The following NCK2 variants were observed in gnomAD, a reference collection of about 807,000 sequenced individuals.
NCK2 encodes cytoplasmic protein NCK2.
A neutral mutation model predicts 33.9 loss-of-function variants in NCK2; 16 were observed. That is an observed-to-expected ratio of 0.47 (90% CI 0.32 to 0.72). NCK2 has a LOEUF of 0.72. Ranked by LOEUF, NCK2 falls within the 30% of genes least tolerant of loss-of-function variation. The probability of loss-of-function intolerance (pLI) is 0.03; values close to 1 mark genes in which losing one functional copy is unlikely to be tolerated. For synonymous variants in NCK2, 273 were observed against 239.9 expected (o/e 1.14, Z -1.27); for missense variants, 418 against 537.3 (o/e 0.78, Z 2.19).
rs1380016345 is a variant in NCK2 at position 105,835,409 on chromosome 2, G to GTATA, written c.-17+18808_-17+18811dup. ...TACACATATATATATATATATACGTGTATATATATATATATTTTTTTTTTG... is the reference window on the plus strand; with the variant it reads ...TACACATATATATATATATATACGTGTATATATATATATATATATTTTTTTTTTG... On this transcript the variant is annotated intron_variant, in intron 2 of 4. Coordinates refer to ENST00000233154, the MANE Select transcript of NCK2 (RefSeq NM_003581.5). Among the ~76,000 whole-genome samples the GTATA allele has an allele frequency of 5.9e-4, 35 of 59,318 alleles. 1 individual carries two copies. The East Asian group carries it at 9.7e-3, about 16-fold the overall frequency. 38.9% of individuals were successfully genotyped at this position (59,318 alleles called of 152,430 possible).
chr2:105,763,648 T>C (rs3769485), intron 1 of NCK2, among the ~76,000 whole-genome samples: 46,770 of 152,088 alleles, frequency 0.31, 8,421 homozygotes, highest in East Asian at 0.45. Context: ...GGGTTGTGCA[T>C]TGGGAACTTA....
At chr2:105,827,812 CAGAA>C (rs1244357384) in intron 2 of NCK2, among the ~76,000 whole-genome samples, 2 of 152,080 alleles carry the variant, frequency 1.3e-5, no homozygotes, top group Non-Finnish European at 2.9e-5. Flanking sequence ...TGATGGTTGT[CAGAA>C]AGGGAGGTGG....
At chr2:105,847,389 G>C (rs1294874585) in intron 2 of NCK2, 1 of 152,078 alleles carries the variant, frequency 6.6e-6, no homozygotes, top group African/African-American at 2.4e-5. Flanking sequence ...TTGTAGAAAA[G>C]AAATGATGTG....
chr2:105,857,823 A>G (rs1677342993), intron 3 of NCK2, among the ~76,000 whole-genome samples: 1 of 152,216 alleles, frequency 6.6e-6, no homozygotes, highest in Admixed American at 6.5e-5. Context: ...TTGTTATCTC[A>G]GCATGAGTTT....
chr2:105,893,172 A>C lies in NCK2; in HGVS notation c.1139A>C (p.Gln380Pro). ...AAGCTCTACCTCGTCAGGGCCCTGC[A>C]GTGACGGCGCCCCGGCCCCACACTC... ...GEKLYLVRALQ is the reference protein window; with the variant it reads ...GEKLYLVRALP The change falls in exon 5 of 5, where the codon CAG becomes CCG. Residue 380 changes from glutamine (Q) to proline (P), a missense_variant. By Grantham distance (76) the Gln-to-Pro change is moderately conservative. Transcript: ENST00000233154. 1 of 1,591,168 alleles carries C rather than the reference A, an allele frequency of 6.3e-7. No individual in the cohort carries two copies. The highest frequency in any genetic ancestry group is 8.6e-7 in the Non-Finnish European group (1 of 1,168,314).
chr2:105,822,415 A>G (rs1312158902), intron 2 of NCK2, among the ~76,000 whole-genome samples: 1 of 152,076 alleles, frequency 6.6e-6, no homozygotes, highest in East Asian at 1.9e-4. Flanking sequence ...TTCTCTGTAC[A>G]GGCCAGGGGA....
chr2:105,884,715 A>G (rs1678649753), intron 4 of NCK2, among the ~76,000 whole-genome samples: 1 of 152,224 alleles, frequency 6.6e-6, no homozygotes, highest in African/African-American at 2.4e-5. Context: ...TGTTAGATGA[A>G]TCAGTGAACC....
At chr2:105,892,931 C>A in intron 4 of NCK2, 51 bp from the exon 5 acceptor site, 2 of 1,508,448 alleles carry the variant, frequency 1.3e-6, no homozygotes, top group Non-Finnish European at 1.8e-6. Context: ...TGGATTTAGA[C>A]ACAGCTCCCC....
intron 1 of NCK2, among the ~76,000 whole-genome samples, chr2:105,772,325 C>T (rs1222809892): frequency 6.6e-6 from 1 of 152,130 alleles, no homozygotes; most frequent in Non-Finnish European, 1.5e-5. Context: ...ATGGAATAAA[C>T]AGCACTAAGC....
chr2:105,791,735 G>C (rs1325584172), intron 1 of NCK2, among the ~76,000 whole-genome samples: 1 of 152,178 alleles, frequency 6.6e-6, no homozygotes, highest in Non-Finnish European at 1.5e-5. Context: ...TCTTCGTAGA[G>C]CTTGTGAGTT....
chr2:105,853,496 T>A (rs1397379205), intron 2 of NCK2, among the ~76,000 whole-genome samples: 1 of 152,158 alleles, frequency 6.6e-6, no homozygotes, highest in Non-Finnish European at 1.5e-5. Context: ...TTGAGCAGAG[T>A]AGTTTCACAG....
chr2:105,757,148 A>C (rs1017591779), intron 1 of NCK2, among the ~76,000 whole-genome samples: 1 of 152,158 alleles, frequency 6.6e-6, no homozygotes, highest in Admixed American at 6.5e-5. Context: ...CTGAACTTCA[A>C]CAATCTTGAT....
intron 2 of NCK2, among the ~76,000 whole-genome samples, chr2:105,819,909 G>T (rs12995333): frequency 0.3 from 45,751 of 151,786 alleles, 7,902 homozygotes; most frequent in South Asian, 0.4. Context: ...AGTGACTGTT[G>T]TAGCAGTTAA....
chr2:105,835,050 G>A (rs1676340669), intron 2 of NCK2, among the ~76,000 whole-genome samples: 1 of 152,000 alleles, frequency 6.6e-6, no homozygotes, highest in Non-Finnish European at 1.5e-5. Flanking sequence ...TGGTTGCTTT[G>A]TATATCCTTT....
intron 1 of NCK2, among the ~76,000 whole-genome samples, chr2:105,750,037 A>ACACACACACACACACACACACAC (rs1553449506): frequency 6.9e-6 from 1 of 144,456 alleles, no homozygotes; most frequent in Admixed American, 6.9e-5. Context: ...AAAGCAAACA[A>ACACACACACACACACACACACAC]ACACACACAC....
chr2:105,833,616 C>G (rs968861096), intron 2 of NCK2, among the ~76,000 whole-genome samples: 1 of 151,964 alleles, frequency 6.6e-6, no homozygotes, highest in Non-Finnish European at 1.5e-5. Flanking sequence ...AGATAATTGG[C>G]AATTTTCATA....
chr2:105,785,563 C>T (rs1286015187), intron 1 of NCK2, among the ~76,000 whole-genome samples: 1 of 152,178 alleles, frequency 6.6e-6, no homozygotes, highest in African/African-American at 2.4e-5. Flanking sequence ...GACAGGTTTC[C>T]CGCTGTGAAC....
chr2:105,826,677 G>A (rs529645578), intron 2 of NCK2, among the ~76,000 whole-genome samples: 5 of 152,228 alleles, frequency 3.3e-5, no homozygotes, highest in Middle Eastern at 3.4e-3. Flanking sequence ...GGTCATTACT[G>A]AGTTATCCTC....
chr2:105,842,609 G>A (rs1392768345), intron 2 of NCK2, among the ~76,000 whole-genome samples: 1 of 151,236 alleles, frequency 6.6e-6, no homozygotes, highest in African/African-American at 2.4e-5. Flanking sequence ...TTGAGTTATA[G>A]CCACTGAGAT....
Sources: allele counts gnomAD v4.1 joint callset (sites outside exome capture counted in the v4.1 genomes callset), GRCh38; gene constraint gnomAD v4.1.1; transcripts MANE v1.5; gene names NCBI Gene and HGNC (gene_info 2026-07-23, HGNC 2026-07-21).